Variants in GPHN observed in about 807,000 individuals in gnomAD.
GPHN encodes the protein gephyrin.
A neutral mutation model predicts 95.5 loss-of-function variants in GPHN; 17 were observed. The observed-to-expected ratio is 0.18, with a 90% CI of 0.12 to 0.27. The LOEUF is 0.27. Ranked by LOEUF, GPHN falls within the 10% of genes least tolerant of loss-of-function variation. The pLI is 1.00. For synonymous variants in GPHN, 320 were observed against 322.5 expected (o/e 0.99, Z 0.08); for missense variants, 660 against 978.1 (o/e 0.67, Z 4.34).
chr14:67,002,727 A>C (rs1418431116), intron 9 of GPHN, among the ~76,000 whole-genome samples: 1 of 151,544 alleles, frequency 6.6e-6, no homozygotes, highest in Non-Finnish European at 1.5e-5. Flanking sequence ...TAACAGCTTA[A>C]TATTACTTGG....
intron 8 of GPHN, among the ~76,000 whole-genome samples, chr14:66,932,478 T>C (rs1260813041): frequency 7.1e-6 from 1 of 140,468 alleles, no homozygotes; most frequent in Non-Finnish European, 1.5e-5. Flanking sequence ...TTTTTTTTTT[T>C]TTCAGTGCAG....
At chr14:67,341,110 G>A in the GPHN span, among the ~76,000 whole-genome samples, 1 of 152,242 alleles carries the variant, frequency 6.6e-6, no homozygotes, top group African/African-American at 2.4e-5. Context: ...TCTGGGAAGT[G>A]AGGAGCCTCT....
chr14:66,610,720 A>G (rs1378268587), intron 1 of GPHN, among the ~76,000 whole-genome samples: 2 of 152,144 alleles, frequency 1.3e-5, no homozygotes, highest in Non-Finnish European at 2.9e-5. Flanking sequence ...CTGACATGGG[A>G]TTTTACAGTG....
chr14:67,159,560 C>T, intron 19 of GPHN, 72 bp downstream of exon 19: 1 of 826,240 alleles, frequency 1.2e-6, no homozygotes, highest in Non-Finnish European at 2.2e-6. Flanking sequence ...TTTTTAAATG[C>T]CTTCTTTTTA....
At chr14:67,496,400 T>TTTTTTTG in the GPHN span, among the ~76,000 whole-genome samples, 1 of 123,208 alleles carries the variant, frequency 8.1e-6, no homozygotes, top group African/African-American at 3.0e-5. Context: ...CGTTTTTTTT[T>TTTTTTTG]TTTTTTTTTT....
At chr14:66,922,273 T>G (rs946440672) in intron 6 of GPHN, among the ~76,000 whole-genome samples, 1 of 86,670 alleles carries the variant, frequency 1.2e-5, no homozygotes, top group African/African-American at 1.7e-4. Flanking sequence ...GAGTGTATGT[T>G]TTTTTTTTTT....
chr14:67,078,620 G>T (rs1412700089), intron 11 of GPHN, among the ~76,000 whole-genome samples: 1 of 152,130 alleles, frequency 6.6e-6, no homozygotes, highest in East Asian at 1.9e-4. Flanking sequence ...TAAGTAATTT[G>T]CAGTACTATT....
chr14:67,102,793 A>C (rs1287627025), intron 13 of GPHN, among the ~76,000 whole-genome samples: 2 of 152,254 alleles, frequency 1.3e-5, no homozygotes, highest in Non-Finnish European at 2.9e-5. Context: ...CTAACACTAG[A>C]AACGAGTTGA....
chr14:66,804,472 A>G (rs958300583), intron 3 of GPHN, among the ~76,000 whole-genome samples: 4 of 152,248 alleles, frequency 2.6e-5, no homozygotes, highest in African/African-American at 9.6e-5. Flanking sequence ...CTAGCTTTGC[A>G]TGCTTCTGTA....
At chr14:67,619,970 TGCGGA>T in the GPHN span, 2 of 1,577,188 alleles carry the variant, frequency 1.3e-6, no homozygotes, top group Non-Finnish European at 1.7e-6. Context: ...TTCTCAGTGC[TGCGGA>T]TCATGTCCCT....
chr14:67,555,827 G>A, the GPHN span: 2 of 1,613,202 alleles, frequency 1.2e-6, no homozygotes, highest in South Asian at 1.1e-5. Context: ...CCAAGCAGAT[G>A]CAGGAGCTGG....
the GPHN span, among the ~76,000 whole-genome samples, chr14:67,294,076 G>C: frequency 1.3e-5 from 2 of 152,110 alleles, no homozygotes; most frequent in Non-Finnish European, 2.9e-5. Context: ...TGTTAAAAAG[G>C]ACTTTAAAAA....
the GPHN span, among the ~76,000 whole-genome samples, chr14:67,568,581 C>T: frequency 1.6e-4 from 24 of 152,058 alleles, no homozygotes; most frequent in Admixed American, 6.6e-4. Context: ...ATCTTGCATA[C>T]GTACCCTGGA....
intron 17 of GPHN, among the ~76,000 whole-genome samples, chr14:67,127,721 C>G (rs968801428): frequency 6.6e-6 from 1 of 152,162 alleles, no homozygotes; most frequent in African/African-American, 2.4e-5. Flanking sequence ...AAAATTGAAA[C>G]AGATATTGAT....
rs919396217 is a variant in GPHN at position 66,688,399 on chromosome 14, A to G, written c.143+7214A>G. On this transcript the variant is annotated intron_variant, in intron 2 of 22. Transcript: ENST00000478722. ...AGTCTGCATGCATGTAAGTAGACCC[A>G]TGCAGTTCAAGTCTGTATTGTTCAA... 5.3e-5 allele frequency among the ~76,000 whole-genome samples: 8 copies of G among 152,196 alleles called. No homozygotes were observed. In the South Asian group the frequency reaches 1.2e-3, roughly 24 times the overall value.
chr14:66,634,745 G>A (rs2153346281), intron 1 of GPHN, among the ~76,000 whole-genome samples: 1 of 152,264 alleles, frequency 6.6e-6, no homozygotes, highest in Middle Eastern at 3.4e-3. Flanking sequence ...CCAGCTATAA[G>A]ATTGCTTTTT....
At chr14:67,580,402 C>T in the GPHN span, 8 of 166,628 alleles carry the variant, frequency 4.8e-5, no homozygotes, top group Non-Finnish European at 1.0e-4. Flanking sequence ...TCTGGGATTA[C>T]TGTCCTGGGG....
the GPHN span, chr14:67,571,977 G>GA: frequency 6.5e-7 from 1 of 1,529,802 alleles, no homozygotes; most frequent in Non-Finnish European, 8.9e-7. Flanking sequence ...ACTTGAACAT[G>GA]GGCGTCCCCA....
Position 66,670,253 on chromosome 14 carries a change from G to A in GPHN, c.65-10854G>A, listed in dbSNP as rs1216049297. On this transcript the variant is annotated intron_variant, in intron 1 of 22. Transcript: ENST00000478722. ...GGTAGGTCTCCAGTGAACCCCTTTT[G>A]GCTAGGATTGGTAGGAGTATCTTTG... 2.0e-5 allele frequency among the ~76,000 whole-genome samples: 3 copies of A among 152,176 alleles called. No individual in the cohort carries two copies. In the East Asian group the frequency reaches 5.8e-4, roughly 29 times the overall value.
Sources: allele counts gnomAD v4.1 joint callset (sites outside exome capture counted in the v4.1 genomes callset), GRCh38; gene constraint gnomAD v4.1.1; transcripts MANE v1.5; gene names NCBI Gene and HGNC (gene_info 2026-07-23, HGNC 2026-07-21).